USP35: variants seen among roughly 807,000 people sequenced by gnomAD.
The protein encoded by USP35 is ubiquitin carboxyl-terminal hydrolase 35.
USP35 carries 69 observed loss-of-function variants against 83.8 expected under a neutral mutation model. The ratio of observed to expected loss-of-function variants is 0.82; its 90% CI spans 0.68 to 1.01. The LOEUF is 1.01. Among genes scored for constraint, USP35 ranks in the 50% least tolerant of loss-of-function variants. The pLI is 0.00. For missense variants in USP35, 1,503 were observed against 1,362.5 expected (o/e 1.10, Z -1.62); for synonymous variants, 714 against 589.5 (o/e 1.21, Z -3.06).
At position 78,209,901 on chromosome 11, in the gene USP35, A is replaced by C. The variant is rs756716745; in HGVS notation, c.2046A>C (p.Glu682Asp). Residue 682 changes from glutamate (E) to aspartate (D), a missense_variant, in exon 10 of 11, where the codon GAA (glutamate) becomes GAC (aspartate). Transcript: ENST00000529308. ...SQEERIEREE[E>D]GKEERTEKEE... ...AGGAAAGGATAGAGAGGGAGGAAGA[A>C]GGGAAGGAGGAGAGAACGGAGAAGG... 4.4e-6 allele frequency: 7 copies of C among 1,602,150 alleles called. No individual in the cohort carries two copies. Among genetic ancestry groups the C allele is most frequent in the East Asian group, 2.3e-5 (1 of 44,292 alleles).
At chr11:78,235,322 T>C in the USP35 span, among the ~76,000 whole-genome samples, 2 of 151,750 alleles carry the variant, frequency 1.3e-5, no homozygotes, top group African/African-American at 4.8e-5. Flanking sequence ...CGGGCTAATT[T>C]TTTGTATTTT....
chr11:78,204,421 G>C (rs1020852738), intron 6 of USP35, among the ~76,000 whole-genome samples: 1 of 152,108 alleles, frequency 6.6e-6, no homozygotes, highest in African/African-American at 2.4e-5. Context: ...GGTTTCTTTG[G>C]GACCTGTGAT....
chr11:78,206,089 C>T (rs752040026), intron 7 of USP35, 54 bp downstream of exon 7: 4 of 1,571,086 alleles, frequency 2.5e-6, no homozygotes, highest in East Asian at 2.3e-5. Flanking sequence ...CTCTGGGCTC[C>T]CTGATGACAG....
At chr11:78,226,585 T>C in the USP35 span, 1 of 1,598,232 alleles carries the variant, frequency 6.3e-7, no homozygotes, top group Non-Finnish European at 8.5e-7. Flanking sequence ...CATCGAGGTG[T>C]TTCTGCCTGA....
intron 1 of USP35, among the ~76,000 whole-genome samples, chr11:78,192,400 G>C (rs1218136813): frequency 1.3e-5 from 2 of 152,212 alleles, no homozygotes; most frequent in African/African-American, 2.4e-5. Flanking sequence ...TCCTCTCTCT[G>C]AGCCTCACTT....
the USP35 span, among the ~76,000 whole-genome samples, chr11:78,230,683 T>G: frequency 6.6e-6 from 1 of 152,242 alleles, no homozygotes; most frequent in African/African-American, 2.4e-5. Context: ...GGGAGACTGA[T>G]TATCACCTCA....
the USP35 span, chr11:78,225,331 T>A: frequency 1.6e-6 from 1 of 621,426 alleles, no homozygotes; most frequent in Non-Finnish European, 2.9e-6. Context: ...CCCCAAATGA[T>A]AAGGAATTTC....
At chr11:78,194,379 T>A (rs1192433245) in intron 1 of USP35, among the ~76,000 whole-genome samples, 7 of 152,164 alleles carry the variant, frequency 4.6e-5, no homozygotes, top group Non-Finnish European at 7.3e-5. Context: ...TATCTGTGAT[T>A]CTGAATAAAA....
chr11:78,230,110 G>T, the USP35 span, among the ~76,000 whole-genome samples: 1 of 152,224 alleles, frequency 6.6e-6, no homozygotes, highest in Admixed American at 6.5e-5. Flanking sequence ...GTTAATGCTT[G>T]TTGCATTATA....
In USP35 at chr11:78,208,841, G is replaced by C. The variant is rs745343047; in HGVS notation, c.1486-16G>C. ...CCTCCTGCTCCTGACCATGCCTTTC[G>C]CCTGCCTTGTCCTAGCGGCCTGCCA... On this transcript the variant is annotated splice_polypyrimidine_tract_variant and intron_variant, in intron 8 of 10. Transcript: ENST00000529308. 6 of 1,613,876 alleles carry C rather than the reference G, an allele frequency of 3.7e-6. No individual in the cohort carries two copies. The Admixed American group carries it at 6.7e-5, about 18-fold the overall frequency.
At chr11:78,226,512 G>A in the USP35 span, 2 of 1,613,974 alleles carry the variant, frequency 1.2e-6, no homozygotes, top group South Asian at 1.1e-5. Context: ...GTTGCGTCTG[G>A]GGATGGTGGC....
chr11:78,233,202 G>A, the USP35 span, among the ~76,000 whole-genome samples: 8 of 152,010 alleles, frequency 5.3e-5, no homozygotes, highest in African/African-American at 1.7e-4. Context: ...ACCATGCCTG[G>A]CTAATTGTTT....
At chr11:78,232,863 C>A in the USP35 span, among the ~76,000 whole-genome samples, 1 of 152,114 alleles carries the variant, frequency 6.6e-6, no homozygotes, top group Non-Finnish European at 1.5e-5. Flanking sequence ...ACCCCCTACT[C>A]AAAAATAATC....
At chr11:78,226,502 G>A in the USP35 span, 1 of 1,613,000 alleles carries the variant, frequency 6.2e-7, no homozygotes, top group Non-Finnish European at 8.5e-7. Flanking sequence ...CAGGGAGGGT[G>A]TTGCGTCTGG....
intron 2 of USP35, among the ~76,000 whole-genome samples, chr11:78,197,222 T>C (rs1863179563): frequency 1.0e-5 from 1 of 97,988 alleles, no homozygotes; most frequent in Non-Finnish European, 2.0e-5. Flanking sequence ...AGCCACAGGA[T>C]TTGGGGCGGG....
At position 78,210,718 on chromosome 11, in the gene USP35, T is replaced by G; in HGVS notation, c.2863T>G (p.Ser955Ala). 6.4e-7 allele frequency: 1 copy of G among 1,569,122 alleles called. No individual in the cohort carries two copies. Among genetic ancestry groups the G allele is most frequent in the Non-Finnish European group, 8.7e-7 (1 of 1,155,254 alleles). Residue 955 changes from serine (S) to alanine (A), a missense_variant, in exon 10 of 11, where the codon TCC becomes GCC. By Grantham distance (99) the Ser-to-Ala change is moderately conservative. Transcript: ENST00000529308. ...GCACAAGGACTTGATGGAAGCCATT[T>G]CCAAAGACAACATCCTTTACCTACA... ...TLHKDLMEAI[S>A]KDNILYLQEQ...
chr11:78,194,554 C>G (rs907736782), intron 1 of USP35, among the ~76,000 whole-genome samples: 1 of 152,198 alleles, frequency 6.6e-6, no homozygotes, highest in African/African-American at 2.4e-5. Context: ...AGAAATGGTT[C>G]TGCGCTCCAG....
intron 3 of USP35, chr11:78,198,523 A>G (rs1436397068): frequency 1.3e-6 from 1 of 764,584 alleles, no homozygotes; most frequent in African/African-American, 1.9e-5. Flanking sequence ...CCTCCCTGTG[A>G]TCTAGACGCA....
At chr11:78,223,746 T>C in the USP35 span, 1 of 1,314,444 alleles carries the variant, frequency 7.6e-7, no homozygotes, top group Non-Finnish European at 1.1e-6. Flanking sequence ...GGTAAGACTT[T>C]GTAAATGAGG....
Sources: gnomAD v4.1 joint callset for allele counts (sites outside exome capture counted in the v4.1 genomes callset) on GRCh38, gnomAD v4.1.1 for gene constraint, MANE v1.5 for transcripts, NCBI Gene and HGNC (gene_info 2026-07-23, HGNC 2026-07-21) for gene names.